The following FSTL4 variants were observed in gnomAD, a reference collection of about 807,000 sequenced individuals.
FSTL4 encodes follistatin like 4.
A neutral mutation model predicts 78.2 loss-of-function variants in FSTL4; 28 were observed. That is an observed-to-expected ratio of 0.36 (90% CI 0.27 to 0.49). FSTL4 has a LOEUF of 0.49. Among genes scored for constraint, FSTL4 ranks in the 20% least tolerant of loss-of-function variants. The pLI is 0.98. For missense variants in FSTL4, 922 were observed against 1,084.9 expected (o/e 0.85, Z 2.11); for synonymous variants, 422 against 440.5 (o/e 0.96, Z 0.53).
intron 3 of FSTL4, among the ~76,000 whole-genome samples, chr5:133,564,863 T>C (rs988342858): frequency 1.3e-5 from 2 of 152,204 alleles, no homozygotes; most frequent in Non-Finnish European, 2.9e-5. Flanking sequence ...ATGATTTGGC[T>C]TGGACTCGAT....
At chr5:133,467,649 T>C (rs1458751518) in intron 3 of FSTL4, among the ~76,000 whole-genome samples, 2 of 151,842 alleles carry the variant, frequency 1.3e-5, no homozygotes, top group African/African-American at 2.4e-5. Flanking sequence ...ACAGAATCCA[T>C]AGGTCTTGCA....
chr5:133,553,028 C>T (rs1250864548), intron 3 of FSTL4, among the ~76,000 whole-genome samples: 1 of 152,142 alleles, frequency 6.6e-6, no homozygotes, highest in Non-Finnish European at 1.5e-5. Context: ...TCCTGCGGTT[C>T]CCTGTGCTCC....
chr5:133,441,779 C>T (rs1419256358), intron 3 of FSTL4, among the ~76,000 whole-genome samples: 1 of 152,236 alleles, frequency 6.6e-6, no homozygotes, highest in African/African-American at 2.4e-5. Context: ...TCGGCTGACA[C>T]TGCTCCGCAC....
intron 13 of FSTL4, among the ~76,000 whole-genome samples, chr5:133,215,869 T>A (rs777428434): frequency 1.3e-5 from 2 of 152,234 alleles, no homozygotes; most frequent in Non-Finnish European, 2.9e-5. Flanking sequence ...GCCTTTTTCA[T>A]CTTTGCAGTC....
intron 6 of FSTL4, among the ~76,000 whole-genome samples, chr5:133,265,005 C>A (rs991698706): frequency 1.3e-5 from 2 of 152,190 alleles, no homozygotes; most frequent in Non-Finnish European, 2.9e-5. Flanking sequence ...CAGCCAGGCA[C>A]CCTCCCACTC....
chr5:133,829,719 C>A, the FSTL4 span, among the ~76,000 whole-genome samples: 1 of 152,194 alleles, frequency 6.6e-6, no homozygotes, highest in African/African-American at 2.4e-5. Context: ...ATAGAAGAAC[C>A]TCATGCCAAT....
intron 3 of FSTL4, among the ~76,000 whole-genome samples, chr5:133,401,353 C>T (rs1756219643): frequency 6.6e-6 from 1 of 152,232 alleles, no homozygotes; most frequent in African/African-American, 2.4e-5. Context: ...ATTCCGTGCT[C>T]ACAAAGAAGC....
At chr5:133,458,254 T>C (rs1463792796) in intron 3 of FSTL4, 3 of 152,218 alleles carry the variant, frequency 2.0e-5, no homozygotes, top group Non-Finnish European at 2.9e-5. Context: ...ATTATCACCA[T>C]CTGTGTTTCA....
chr5:133,395,136 G>A (rs1019799275), intron 4 of FSTL4, among the ~76,000 whole-genome samples: 9 of 152,124 alleles, frequency 5.9e-5, no homozygotes, highest in Non-Finnish European at 1.2e-4. Flanking sequence ...GCCAGATAAA[G>A]GAATAAAAGC....
At chr5:133,324,757 G>A (rs1203327054) in intron 4 of FSTL4, among the ~76,000 whole-genome samples, 2 of 152,346 alleles carry the variant, frequency 1.3e-5, no homozygotes, top group Middle Eastern at 3.4e-3. Context: ...GAGTGGCTAC[G>A]GCCCTGCCCT....
chr5:133,592,968 C>CA (rs1420792851), intron 2 of FSTL4, among the ~76,000 whole-genome samples: 1 of 152,156 alleles, frequency 6.6e-6, no homozygotes, highest in African/African-American at 2.4e-5. Flanking sequence ...TGGCCACAAT[C>CA]AATTGGACCA....
At chr5:133,383,700 G>A (rs772598679) in intron 4 of FSTL4, among the ~76,000 whole-genome samples, 3 of 152,162 alleles carry the variant, frequency 2.0e-5, no homozygotes, top group Non-Finnish European at 2.9e-5. Context: ...CTTCATTACC[G>A]ATTTCCAGGA....
At chr5:133,826,726 C>T in the FSTL4 span, among the ~76,000 whole-genome samples, 2 of 152,230 alleles carry the variant, frequency 1.3e-5, no homozygotes, top group African/African-American at 4.8e-5. Flanking sequence ...TAAAGTCACA[C>T]ACACTGGGCT....
chr5:133,610,300 A>G (rs762267139), intron 1 of FSTL4, among the ~76,000 whole-genome samples: 2 of 152,226 alleles, frequency 1.3e-5, no homozygotes, highest in Admixed American at 6.5e-5. Flanking sequence ...TAGAATCAAC[A>G]AAAATTGAGG....
the FSTL4 span, among the ~76,000 whole-genome samples, chr5:133,712,175 C>T: frequency 1.3e-5 from 2 of 152,178 alleles, no homozygotes; most frequent in African/African-American, 4.8e-5. Flanking sequence ...CATCACCATG[C>T]GATTTATGCA....
chr5:133,763,659 A>T, the FSTL4 span, among the ~76,000 whole-genome samples: 2 of 152,158 alleles, frequency 1.3e-5, no homozygotes, highest in African/African-American at 4.8e-5. Context: ...TTTATAGTTT[A>T]TAAAGCCTCA....
chr5:133,581,366 A>G (rs1760403155), intron 2 of FSTL4, among the ~76,000 whole-genome samples: 1 of 152,218 alleles, frequency 6.6e-6, no homozygotes, highest in Non-Finnish European at 1.5e-5. Context: ...CATGAACTTC[A>G]GTTTCCTCGT....
the FSTL4 span, among the ~76,000 whole-genome samples, chr5:133,697,730 C>A: frequency 6.6e-6 from 1 of 152,212 alleles, no homozygotes; most frequent in Non-Finnish European, 1.5e-5. Context: ...AGTGAGGGCC[C>A]GTTGCCATGG....
At chr5:133,496,259 TCAAA>T (rs900264674) in intron 3 of FSTL4, among the ~76,000 whole-genome samples, 10 of 152,244 alleles carry the variant, frequency 6.6e-5, no homozygotes, top group East Asian at 1.9e-4. Context: ...ATGGAAACAG[TCAAA>T]CAAACAAAGA....
Sources: allele counts gnomAD v4.1 joint callset (sites outside exome capture counted in the v4.1 genomes callset), GRCh38; gene constraint gnomAD v4.1.1; transcripts MANE v1.5; gene names NCBI Gene and HGNC (gene_info 2026-07-23, HGNC 2026-07-21).